The following SHROOM2 variants were observed in gnomAD, a reference collection of about 807,000 sequenced individuals.
SHROOM2 encodes protein Shroom2.
SHROOM2 carries 33 observed loss-of-function variants against 75.9 expected under a neutral mutation model. The observed-to-expected ratio is 0.43, with a 90% CI of 0.33 to 0.58. The LOEUF is 0.58. Ranked by LOEUF, SHROOM2 falls within the 20% of genes least tolerant of loss-of-function variation. SHROOM2 has a pLI of 0.04. For synonymous variants in SHROOM2, 655 were observed against 663.6 expected (o/e 0.99, Z 0.20); for missense variants, 1,434 against 1,461.2 (o/e 0.98, Z 0.30).
intron 1 of SHROOM2, among the ~76,000 whole-genome samples, chrX:9,855,229 G>T (rs2084061401): frequency 1.1e-5 from 1 of 92,900 alleles, no homozygotes; most frequent in African/African-American, 4.2e-5. Flanking sequence ...AAAGCACCAT[G>T]GCACGTGTAT....
chrX:9,933,823 C>T (rs1275194284), intron 6 of SHROOM2, among the ~76,000 whole-genome samples: 1 of 112,122 alleles, frequency 8.9e-6, no homozygotes, highest in African/African-American at 3.2e-5. Context: ...AATACCACCT[C>T]CTTGAGTGCC....
At chrX:9,914,420 T>G (rs1180424573) in intron 5 of SHROOM2, among the ~76,000 whole-genome samples, 1 of 109,683 alleles carries the variant, frequency 9.1e-6, no homozygotes, top group Non-Finnish European at 1.9e-5. Context: ...CTTTAATTTT[T>G]TACCTCTCAT....
chrX:9,936,198 G>T (rs1030239263), intron 6 of SHROOM2, among the ~76,000 whole-genome samples: 41 of 110,019 alleles, frequency 3.7e-4, no homozygotes, highest in African/African-American at 1.3e-3. Flanking sequence ...TGCAACTTCT[G>T]CTTCCCAGGT....
chrX:9,822,480 T>C (rs924092655), intron 1 of SHROOM2, among the ~76,000 whole-genome samples: 7 of 112,414 alleles, frequency 6.2e-5, no homozygotes, highest in Admixed American at 3.7e-4. Flanking sequence ...CCAGCAGTGA[T>C]AGAGAAAAGT....
intron 8 of SHROOM2, 59 bp from the exon 9 acceptor site, chrX:9,944,582 G>C: frequency 8.9e-7 from 1 of 1,129,617 alleles, no homozygotes; most frequent in East Asian, 3.2e-5. Flanking sequence ...CAGTGTGGCC[G>C]GGGTGGGGGC....
chrX:9,870,099 G>A (rs1179704538), intron 1 of SHROOM2, among the ~76,000 whole-genome samples: 1 of 111,482 alleles, frequency 9.0e-6, no homozygotes, highest in Non-Finnish European at 1.9e-5. Context: ...GGTGGTGCAT[G>A]CCTGTAGTAC....
intron 5 of SHROOM2, among the ~76,000 whole-genome samples, chrX:9,900,853 A>AC (rs2084362033): frequency 1.0e-5 from 1 of 95,475 alleles, no homozygotes; most frequent in African/African-American, 3.9e-5. Flanking sequence ...CCCAGCCCCC[A>AC]CCCCCACTGC....
chrX:9,904,282 G>A (rs762912119), intron 5 of SHROOM2, among the ~76,000 whole-genome samples: 1 of 111,978 alleles, frequency 8.9e-6, no homozygotes, highest in East Asian at 2.8e-4. Flanking sequence ...CACTTTGGGA[G>A]TCTGAGGCAG....
At position 9,873,799 on chromosome X, in the gene SHROOM2, A is replaced by G; in HGVS notation, c.313A>G (p.Lys105Glu). The G allele has an allele frequency of 2.5e-6, 3 of 1,210,908 alleles. No individual in the cohort carries two copies. The highest frequency in any genetic ancestry group is 3.4e-6 in the Non-Finnish European group (3 of 895,097). ...GSHKTLKLVV[K>E]RRSELGWRPH... ...CCATAAGACCCTGAAGCTGGTCGTC[A>G]AAAGGTAAGATCTGAGCTTCCTCCC... Residue 105 changes from lysine to glutamate, a missense_variant, in exon 2 of 10, where the codon AAA becomes GAA. Coordinates refer to ENST00000380913, the MANE Select transcript of SHROOM2 (RefSeq NM_001649.4).
At chrX:9,803,412 C>T (rs1459098114) in intron 1 of SHROOM2, among the ~76,000 whole-genome samples, 1 of 111,721 alleles carries the variant, frequency 9.0e-6, no homozygotes, top group Non-Finnish European at 1.9e-5. Flanking sequence ...CACACAGCAG[C>T]CTTGCTTTGC....
rs191261742 is a variant in SHROOM2 at position 9,940,796 on chromosome X, G to A, written c.4311+1430G>A. 9.8e-5 allele frequency among the ~76,000 whole-genome samples: 11 copies of A among 112,188 alleles called. No individual in the cohort carries two copies. In the South Asian group the frequency reaches 3.0e-3, roughly 30 times the overall value. Reference sequence around the variant, plus strand: ...CACCTGCTCTGTAGCTGCTTCAGGGGAACATATGAGACCCTAATTCCGTAG... The same window carrying A: ...CACCTGCTCTGTAGCTGCTTCAGGGAAACATATGAGACCCTAATTCCGTAG... On this transcript the variant is annotated intron_variant, in intron 8 of 9. Transcript: ENST00000380913.
chrX:9,819,246 T>G (rs746919009), intron 1 of SHROOM2: 30 of 804,468 alleles, frequency 3.7e-5, no homozygotes, highest in Admixed American at 1.9e-4. Context: ...ATCCAATATG[T>G]CTTGCAGCTT....
intron 8 of SHROOM2, among the ~76,000 whole-genome samples, chrX:9,939,759 G>C (rs1268516467): frequency 1.8e-5 from 2 of 111,251 alleles, no homozygotes; most frequent in East Asian, 2.8e-4. Context: ...CCCTGCCTCA[G>C]ATAAAGGAAA....
intron 1 of SHROOM2, among the ~76,000 whole-genome samples, chrX:9,858,759 C>G (rs1191326357): frequency 9.1e-6 from 1 of 110,054 alleles, no homozygotes; most frequent in South Asian, 3.9e-4. Context: ...GAGCTGAGAC[C>G]GCGCCACTGC....
In SHROOM2 at chrX:9,896,633, C is replaced by G. The variant is rs746793411; in HGVS notation, c.2725C>G (p.Gln909Glu). ...CATCCTGGATGTGAGCCTGGACCCACAGGAGAGGCCGCAGCACGTTCATGG... is the reference window on the plus strand; with the variant it reads ...CATCCTGGATGTGAGCCTGGACCCAGAGGAGAGGCCGCAGCACGTTCATGG... The part of the protein sequence containing the change: ...DDILDVSLDP[Q>E]ERPQHVHGRS... The change falls in exon 4 of 10, where the codon CAG (glutamine) becomes GAG (glutamate). Residue 909 changes from glutamine to glutamate, a missense_variant. Gln to Glu is a conservative substitution (Grantham distance 29, BLOSUM62 2). Coordinates refer to ENST00000380913, the MANE Select transcript of SHROOM2 (RefSeq NM_001649.4). The G allele has an allele frequency of 1.7e-6, 2 of 1,206,262 alleles. No individual in the cohort carries two copies. Among genetic ancestry groups the G allele is most frequent in the South Asian group, 3.6e-5 (2 of 55,980 alleles).
intron 1 of SHROOM2, among the ~76,000 whole-genome samples, chrX:9,842,843 C>T (rs1238558189): frequency 9.0e-6 from 1 of 111,504 alleles, no homozygotes; most frequent in Non-Finnish European, 1.9e-5. Flanking sequence ...TCCCCTCTTG[C>T]TTGGGGTTGG....
chrX:9,808,576 T>C (rs1262866645), intron 1 of SHROOM2, among the ~76,000 whole-genome samples: 2 of 109,611 alleles, frequency 1.8e-5, no homozygotes, highest in African/African-American at 3.3e-5. Context: ...TAAGTGGATA[T>C]AATGGTTGGG....
intron 1 of SHROOM2, among the ~76,000 whole-genome samples, chrX:9,866,084 ATTTTT>A (rs773543500): frequency 2.5e-5 from 2 of 78,761 alleles, no homozygotes; most frequent in Non-Finnish European, 4.7e-5. Context: ...GGGGCCAGGA[ATTTTT>A]TTTTTTTTTT....
chrX:9,832,039 C>T (rs2083919453), intron 1 of SHROOM2, among the ~76,000 whole-genome samples: 2 of 112,291 alleles, frequency 1.8e-5, no homozygotes, highest in Non-Finnish European at 3.8e-5. Flanking sequence ...CCTAATGTGT[C>T]ATCCTTCCCT....
Sources: gnomAD v4.1 joint callset for allele counts (sites outside exome capture counted in the v4.1 genomes callset) on GRCh38, gnomAD v4.1.1 for gene constraint, MANE v1.5 for transcripts, NCBI Gene and HGNC (gene_info 2026-07-23, HGNC 2026-07-21) for gene names.